Variants in RAB30 observed in about 807,000 individuals in gnomAD.
RAB30 encodes the protein RAB30, member RAS oncogene family, also known as ras-related protein Rab-30.
A neutral mutation model predicts 25.1 loss-of-function variants in RAB30; 9 were observed. The ratio of observed to expected loss-of-function variants is 0.36; its 90% CI spans 0.22 to 0.63. RAB30 has a LOEUF of 0.63. RAB30 is among the 20% of genes least tolerant of loss of function. The probability of loss-of-function intolerance (pLI) is 0.69; values close to 1 mark genes in which losing one functional copy is unlikely to be tolerated. For synonymous variants in RAB30, 77 were observed against 86.4 expected (o/e 0.89, Z 0.60); for missense variants, 140 against 243.5 (o/e 0.58, Z 2.83).
intron 4 of RAB30, among the ~76,000 whole-genome samples, chr11:82,984,738 G>A (rs1422255278): frequency 1.3e-5 from 2 of 152,094 alleles, no homozygotes; most frequent in African/African-American, 2.4e-5. Flanking sequence ...CTCTAAATAC[G>A]ACTTCCCATT....
At chr11:83,010,144 T>C (rs17144490) in intron 1 of RAB30, among the ~76,000 whole-genome samples, 5,002 of 152,256 alleles carry the variant, frequency 0.033, 142 homozygotes, top group East Asian at 0.074. Flanking sequence ...AGCCACATGA[T>C]ACAGCATTAT....
At chr11:83,013,172 C>T (rs900735255) in intron 1 of RAB30, among the ~76,000 whole-genome samples, 1 of 152,142 alleles carries the variant, frequency 6.6e-6, no homozygotes, top group Non-Finnish European at 1.5e-5. Flanking sequence ...CAACCTCCGC[C>T]TCCTGGGTTC....
intron 1 of RAB30, among the ~76,000 whole-genome samples, chr11:83,062,455 T>G (rs1484789239): frequency 6.6e-6 from 1 of 152,156 alleles, no homozygotes; most frequent in Non-Finnish European, 1.5e-5. Flanking sequence ...GGACCTTGCA[T>G]TTAGCACACA....
rs1345143054 is a variant in RAB30 at position 82,994,092 on chromosome 11, T to C, written c.124A>G (p.Ile42Val). 7 of 1,611,452 alleles carry C rather than the reference T, an allele frequency of 4.3e-6. No homozygotes were observed. The highest frequency in any genetic ancestry group is 5.9e-6 in the Non-Finnish European group (7 of 1,177,740). ...GTCTTAATCATAAAATCAACTCCAA[T>C]TGTGGCTCCTTGACCTGGGGGGAAA... is the stretch of plus-strand genomic sequence containing the variant. ...GLFPPGQGAT[I>V]GVDFMIKTVE... The change falls in exon 3 of 5, where the codon ATT becomes GTT. Residue 42 changes from isoleucine to valine, a missense_variant. By Grantham distance (29) the Ile-to-Val change is conservative. Coordinates refer to ENST00000527633, the MANE Select transcript of RAB30 (RefSeq NM_001286060.2).
chr11:82,992,744 C>CACACACACAA (rs1198803437), intron 3 of RAB30, among the ~76,000 whole-genome samples: 1 of 150,196 alleles, frequency 6.7e-6, no homozygotes, highest in Non-Finnish European at 1.5e-5. Flanking sequence ...CCAACACACA[C>CACACACACAA]ACACACACAC....
At chr11:83,017,592 A>G (rs1407059996) in intron 1 of RAB30, among the ~76,000 whole-genome samples, 3 of 151,580 alleles carry the variant, frequency 2.0e-5, no homozygotes, top group Admixed American at 6.6e-5. Context: ...TTGCATCCTC[A>G]TAGCTTAGCT....
In RAB30 at chr11:82,981,840, G is replaced by T; in HGVS notation, c.*325C>A. The T allele has an allele frequency of 3.3e-6, 1 of 300,014 alleles. No homozygotes were observed. Among genetic ancestry groups the T allele is most frequent in the Non-Finnish European group, 6.4e-6 (1 of 155,742 alleles). 18.6% of individuals were successfully genotyped at this position (300,014 alleles called of 1,614,324 possible). A position where few individuals can be genotyped will look rare whatever the true frequency, so the allele number is the denominator to read the frequency against. On this transcript the variant is annotated 3_prime_UTR_variant, in exon 5 of 5. Coordinates refer to ENST00000527633, the MANE Select transcript of RAB30 (RefSeq NM_001286060.2). ...CTGATGTGCAGGAGGGATCCCTACA[G>T]TACATTTCCCCCCGGACTCTGTTTA...
At chr11:83,044,149 T>C (rs1051805218) in intron 1 of RAB30, among the ~76,000 whole-genome samples, 1 of 152,204 alleles carries the variant, frequency 6.6e-6, no homozygotes, top group Non-Finnish European at 1.5e-5. Context: ...AAAACAAATA[T>C]TCCTGTGTTT....
intron 1 of RAB30, chr11:83,071,476 T>C (rs1436798266): frequency 6.6e-6 from 1 of 152,218 alleles, no homozygotes; most frequent in Non-Finnish European, 1.5e-5. Flanking sequence ...GACTAGGGAA[T>C]TGGCAGGCAC....
chr11:83,020,698 C>T (rs1857553931), intron 1 of RAB30, among the ~76,000 whole-genome samples: 1 of 152,204 alleles, frequency 6.6e-6, no homozygotes, highest in South Asian at 2.1e-4. Flanking sequence ...ATTGCATGCA[C>T]TTCTTCCCCT....
intron 3 of RAB30, among the ~76,000 whole-genome samples, chr11:82,989,071 T>C (rs1590836314): frequency 6.6e-6 from 1 of 152,060 alleles, no homozygotes; most frequent in Admixed American, 6.5e-5. Flanking sequence ...ACTTGGCAAA[T>C]AGGAGGTGCT....
chr11:83,014,676 AAGAAAGAAAGAAAGAAAG>A (rs1285021828), intron 1 of RAB30, among the ~76,000 whole-genome samples: 117 of 145,850 alleles, frequency 8.0e-4, no homozygotes, highest in African/African-American at 2.9e-3. Flanking sequence ...GAAAGAAAGA[AAGAAAGAAAGAAAGAAAG>A]AGAAAGGAAG....
At chr11:83,018,906 A>G (rs1307603347) in intron 1 of RAB30, among the ~76,000 whole-genome samples, 1 of 152,196 alleles carries the variant, frequency 6.6e-6, no homozygotes, top group African/African-American at 2.4e-5. Context: ...TCGCTGGCCA[A>G]TTATCCCAGC....
intron 1 of RAB30, among the ~76,000 whole-genome samples, chr11:83,039,498 G>A (rs1205640901): frequency 1.3e-5 from 2 of 152,126 alleles, no homozygotes; most frequent in East Asian, 3.9e-4. Flanking sequence ...GGGCAACATG[G>A]CAAAACTCCA....
At chr11:83,042,507 T>C (rs6592096) in intron 1 of RAB30, among the ~76,000 whole-genome samples, 85,509 of 151,766 alleles carry the variant, frequency 0.56, 24,538 homozygotes, top group African/African-American at 0.69. Context: ...TGAGCCAAGA[T>C]GCACCACTGC....
Position 82,997,291 on chromosome 11 carries a change from A to G in RAB30, c.26T>C (p.Leu9Pro). 1 of 1,611,882 alleles carries G rather than the reference A, an allele frequency of 6.2e-7. No individual in the cohort carries two copies. The highest frequency in any genetic ancestry group is 8.5e-7 in the Non-Finnish European group (1 of 1,177,934). The change falls in exon 2 of 5, where the codon CTG becomes CCG. Residue 9 changes from leucine (L) to proline (P), a missense_variant. Coordinates refer to ENST00000527633, the MANE Select transcript of RAB30 (RefSeq NM_001286060.2). Reference sequence around the variant, plus strand: ...GTTGCCAATTAAAACAATTTTGAACAGGAAATCATAATCTTCCATACTCAT... The same window carrying G: ...GTTGCCAATTAAAACAATTTTGAACGGGAAATCATAATCTTCCATACTCAT... MSMEDYDF[L>P]FKIVLIGNAG...
At chr11:83,068,137 A>G (rs1858748510) in intron 1 of RAB30, among the ~76,000 whole-genome samples, 1 of 151,472 alleles carries the variant, frequency 6.6e-6, no homozygotes, top group African/African-American at 2.4e-5. Flanking sequence ...AAAAAAAAAA[A>G]AAATACAAAC....
intron 2 of RAB30, among the ~76,000 whole-genome samples, chr11:82,995,968 T>A (rs1856948703): frequency 6.6e-6 from 1 of 152,266 alleles, no homozygotes; most frequent in African/African-American, 2.4e-5. Flanking sequence ...AAAACTTTAC[T>A]ACATCTCTGC....
chr11:82,983,405 T>C (rs1429817645), intron 4 of RAB30, among the ~76,000 whole-genome samples: 3 of 152,174 alleles, frequency 2.0e-5, no homozygotes, highest in Non-Finnish European at 4.4e-5. Context: ...GTTCATCATG[T>C]GTGGAATAAC....
Sources: gnomAD v4.1 joint callset for allele counts (sites outside exome capture counted in the v4.1 genomes callset) on GRCh38, gnomAD v4.1.1 for gene constraint, MANE v1.5 for transcripts, NCBI Gene and HGNC (gene_info 2026-07-23, HGNC 2026-07-21) for gene names.